Variants in PRIM1 observed in about 807,000 individuals in gnomAD.
PRIM1 encodes the protein DNA primase small subunit.
In PRIM1, 38 loss-of-function variants were observed where a neutral mutation model predicts 60.2. The observed-to-expected ratio is 0.63, with a 90% CI of 0.49 to 0.83. The LOEUF (loss-of-function observed/expected upper bound fraction) is 0.83, where lower values mean the gene tolerates loss of function less well. Ranked by LOEUF, PRIM1 falls within the 40% of genes least tolerant of loss-of-function variation. The pLI is 0.00. For synonymous variants in PRIM1, 158 were observed against 160.2 expected (o/e 0.99, Z 0.10); for missense variants, 388 against 506.2 (o/e 0.77, Z 2.24).
At chr12:56,751,395 T>G in intron 1 of PRIM1, 200 bp from the exon 2 acceptor site, 1 of 379,250 alleles carries the variant, frequency 2.6e-6, no homozygotes, top group Non-Finnish European at 4.7e-6. Flanking sequence ...TCCTACCACC[T>G]CAGCCTCCCG....
At chr12:56,738,241 T>C (rs992340083) in intron 11 of PRIM1, among the ~76,000 whole-genome samples, 193 bp downstream of exon 11, 1 of 152,212 alleles carries the variant, frequency 6.6e-6, no homozygotes, top group Non-Finnish European at 1.5e-5. Context: ...ACTTAGGAAA[T>C]ATGTGTTGAA....
intron 11 of PRIM1, among the ~76,000 whole-genome samples, chr12:56,737,371 C>T (rs140000291): frequency 0.026 from 3,844 of 146,014 alleles, 76 homozygotes; most frequent in Middle Eastern, 0.043. Context: ...TTTTTTGAGA[C>T]GGAGTTTTGC....
chr12:56,748,754 G>A (rs1284167451), intron 2 of PRIM1, among the ~76,000 whole-genome samples: 2 of 151,994 alleles, frequency 1.3e-5, no homozygotes, highest in Non-Finnish European at 2.9e-5. Context: ...TCAGGAGTTC[G>A]TGACCAGCCT....
chr12:56,743,913 G>T, intron 6 of PRIM1, 152 bp downstream of exon 6: 1 of 554,514 alleles, frequency 1.8e-6, no homozygotes, highest in South Asian at 2.9e-5. Flanking sequence ...CACCTTTTAG[G>T]AATACTGCAG....
Position 56,752,287 on chromosome 12 carries a change from A to T in PRIM1, c.12T>A (p.Phe4Leu). The change falls in exon 1 of 13, where the codon TTT becomes TTA. Residue 4 changes from phenylalanine (F) to leucine (L), a missense_variant. Phe to Leu is a conservative substitution (Grantham distance 22). Transcript: ENST00000338193. The part of the protein sequence containing the change: MET[F>L]DPTELPELLK... ...GCAGCTCGGGCAGCTCGGTGGGGTC[A>T]AACGTCTCCATTGAGCGCGGAACTC... 1.9e-6 allele frequency: 3 copies of T among 1,582,438 alleles called. No individual in the cohort carries two copies. The highest frequency in any genetic ancestry group is 1.2e-5 in the South Asian group (1 of 86,680).
At chr12:56,741,618 T>G (rs745537875) in intron 8 of PRIM1, 42 bp from the exon 9 acceptor site, 1 of 1,587,528 alleles carries the variant, frequency 6.3e-7, no homozygotes, top group Non-Finnish European at 8.6e-7. Flanking sequence ...CAGTAGGAAC[T>G]GTTGAAGATT....
intron 2 of PRIM1, among the ~76,000 whole-genome samples, chr12:56,747,662 T>C (rs1268105414): frequency 6.6e-6 from 1 of 152,124 alleles, no homozygotes; most frequent in Non-Finnish European, 1.5e-5. Context: ...AGGAGTATCA[T>C]TGAACCCGGG....
At chr12:56,747,926 A>C (rs1370257722) in intron 2 of PRIM1, among the ~76,000 whole-genome samples, 1 of 152,090 alleles carries the variant, frequency 6.6e-6, no homozygotes, top group East Asian at 1.9e-4. Context: ...GATACCAGGT[A>C]TTGTTGGAAT....
chr12:56,751,026 A>G lies in PRIM1; in HGVS notation c.261+12T>C. On this transcript the variant is annotated intron_variant, in intron 2 of 12. Coordinates refer to ENST00000338193, the MANE Select transcript of PRIM1 (RefSeq NM_000946.3). Reference sequence around the variant, plus strand: ...ATAAAACAACAAAATATATTAAAAAAAGATTTCTTACTCTGTGAGAATATA... The same window carrying G: ...ATAAAACAACAAAATATATTAAAAAGAGATTTCTTACTCTGTGAGAATATA... The G allele has an allele frequency of 7.1e-7, 1 of 1,414,998 alleles. No individual in the cohort carries two copies. Among genetic ancestry groups the G allele is most frequent in the Non-Finnish European group, 9.3e-7 (1 of 1,071,906 alleles). The allele number at this position is 1,414,998 out of a possible 1,614,324, so 87.7% of individuals were successfully genotyped here.
intron 4 of PRIM1, among the ~76,000 whole-genome samples, chr12:56,746,571 C>A (rs576328843): frequency 2.0e-5 from 3 of 150,442 alleles, no homozygotes; most frequent in Non-Finnish European, 4.4e-5. Context: ...GCAGAGGTTG[C>A]AGTGAGCCGA....
Position 56,739,372 on chromosome 12 carries a change from C to A in PRIM1, c.983-9G>T. 6.5e-7 allele frequency: 1 copy of A among 1,535,452 alleles called. No individual in the cohort carries two copies. The highest frequency in any genetic ancestry group is 8.9e-7 in the Non-Finnish European group (1 of 1,126,306). Reference sequence around the variant, plus strand: ...AGGCACAGATATGCGACCTGTAAGACACAAAAGTTATAAACTGATGATTGT... The same window carrying A: ...AGGCACAGATATGCGACCTGTAAGAAACAAAAGTTATAAACTGATGATTGT... On this transcript the variant is annotated splice_polypyrimidine_tract_variant and intron_variant, in intron 9 of 12. Transcript: ENST00000338193.
chr12:56,745,920 C>T, intron 5 of PRIM1, 125 bp downstream of exon 5: 1 of 1,003,994 alleles, frequency 1.0e-6, no homozygotes, highest in Non-Finnish European at 1.4e-6. Flanking sequence ...GCCTGGGCAA[C>T]AGAGTGAGAG....
chr12:56,733,212 C>T (rs1034039388), intron 12 of PRIM1, among the ~76,000 whole-genome samples: 7 of 144,420 alleles, frequency 4.8e-5, no homozygotes, highest in South Asian at 2.2e-4. Context: ...GGCTGGAGTG[C>T]GATGGCACAA....
At chr12:56,734,392 A>C in intron 11 of PRIM1, 147 bp from the exon 12 acceptor site, 1 of 532,128 alleles carries the variant, frequency 1.9e-6, no homozygotes, top group Non-Finnish European at 3.3e-6. Flanking sequence ...TATATTAGTC[A>C]CATTAAAAAA....
At chr12:56,737,427 G>C (rs1407144579) in intron 11 of PRIM1, among the ~76,000 whole-genome samples, 1 of 150,770 alleles carries the variant, frequency 6.6e-6, no homozygotes, top group Non-Finnish European at 1.5e-5. Flanking sequence ...TTGGCTCACC[G>C]CAACCTCCAC....
chr12:56,734,194 A>G lies in PRIM1; in HGVS notation c.1196T>C (p.Leu399Pro), dbSNP rs1953806049. 6.2e-7 allele frequency: 1 copy of G among 1,609,466 alleles called. No homozygotes were observed. The highest frequency in any genetic ancestry group is 8.5e-7 in the Non-Finnish European group (1 of 1,176,536). ...TTTTCGGGATTTATCCAGATTTTCA[A>G]GAAAATGTTCAAAAACTTTCACATA... ...APYVKVFEHF[L>P]ENLDKSRKGE... The change falls in exon 12 of 13, where the codon CTT becomes CCT. Residue 399 changes from leucine (L) to proline (P), a missense_variant. Leu to Pro is a moderately conservative substitution (Grantham distance 98). Around this residue, in one of 3 missense-constraint regions of PRIM1, gnomAD observed 211 missense variants for 277.9 expected, o/e 0.76. Transcript: ENST00000338193.
chr12:56,735,602 C>A (rs1379475387), intron 11 of PRIM1, among the ~76,000 whole-genome samples: 1 of 151,470 alleles, frequency 6.6e-6, no homozygotes, highest in African/African-American at 2.4e-5. Context: ...GTTGCTCAGG[C>A]TCTGGTCACG....
chr12:56,740,444 T>C (rs1267659719), intron 9 of PRIM1, among the ~76,000 whole-genome samples: 1 of 152,206 alleles, frequency 6.6e-6, no homozygotes, highest in Non-Finnish European at 1.5e-5. Flanking sequence ...TCTTTTATAA[T>C]ACCCCCCTAG....
At chr12:56,740,140 A>G (rs1953860921) in intron 9 of PRIM1, among the ~76,000 whole-genome samples, 1 of 152,034 alleles carries the variant, frequency 6.6e-6, no homozygotes, top group South Asian at 2.1e-4. Flanking sequence ...TGTCTCGAAA[A>G]AAAAGGAAAG....
Sources: gnomAD v4.1 joint callset for allele counts (sites outside exome capture counted in the v4.1 genomes callset) on GRCh38, gnomAD v4.1.1 for gene constraint, gnomAD v4.1.1 regional missense constraint, MANE v1.5 for transcripts, NCBI Gene and HGNC (gene_info 2026-07-23, HGNC 2026-07-21) for gene names.